MAPT: variants seen among roughly 807,000 people sequenced by gnomAD.
The protein encoded by MAPT is microtubule-associated protein tau.
Under a neutral mutation model 67.9 loss-of-function variants are expected in MAPT, and 34 were observed. The ratio of observed to expected loss-of-function variants is 0.50; its 90% confidence interval spans 0.38 to 0.67. The LOEUF is 0.67. Among genes scored for constraint, MAPT ranks in the 30% least tolerant of loss-of-function variants. MAPT has a pLI of 0.00. For missense variants in MAPT, 881 were observed against 1,115.2 expected, an observed-to-expected ratio of 0.79 and a Z score of 2.99; for synonymous variants, 456 against 464.5, an observed-to-expected ratio of 0.98 and a Z score of 0.23.
chr17:45,941,830 GAC>G (rs2068026838), intron 1 of MAPT, among the ~76,000 whole-genome samples: 1 of 151,328 alleles, frequency 6.6e-6, no homozygotes, highest in South Asian at 2.1e-4. Context: ...TTGGATAATG[GAC>G]ATTTGGCATT....
intron 1 of MAPT, among the ~76,000 whole-genome samples, chr17:45,933,186 A>G (rs943430493): frequency 4.6e-5 from 7 of 151,732 alleles, no homozygotes; most frequent in Admixed American, 4.6e-4. Flanking sequence ...ACATGATGCT[A>G]ATGAAAAGCA....
intron 10 of MAPT, among the ~76,000 whole-genome samples, chr17:46,013,172 T>G (rs12150260): frequency 0.14 from 21,774 of 152,176 alleles, 2,118 homozygotes; most frequent in Non-Finnish European, 0.22. Flanking sequence ...TCCAGGGCGG[T>G]GCTTCCTCGG....
rs1555690435 is a variant in MAPT, at chr17:45,941,701, G to GCCTTCCTT, written c.-17-20617_-17-20616insTCCTTCCT. 1.5e-3 allele frequency among the ~76,000 whole-genome samples: 110 copies of GCCTTCCTT among 73,524 alleles called. 1 individual carries two copies. The highest frequency in any genetic ancestry group is 6.3e-3 in the African/African-American group (97 of 15,348). The allele number at this position is 73,524 out of a possible 152,430, so 48.2% of individuals were successfully genotyped here. The stretch of plus-strand genomic sequence containing the variant: ...TTCCCTCCTTCCTTCCTTCCTTCCT[G>GCCTTCCTT]CCTGCCTTCCTTCCTTCCTTCCTTC... On this transcript the variant is annotated intron_variant, in intron 1 of 12. Transcript: ENST00000262410.
At chr17:45,950,046 G>A (rs576438137) in intron 1 of MAPT, among the ~76,000 whole-genome samples, 6 of 152,190 alleles carry the variant, frequency 3.9e-5, no homozygotes, top group South Asian at 4.2e-4. Flanking sequence ...CAAAGCTGTC[G>A]GGAATCCTGC....
At chr17:45,928,900 GT>G (rs1205679548) in intron 1 of MAPT, among the ~76,000 whole-genome samples, 3 of 152,064 alleles carry the variant, frequency 2.0e-5, no homozygotes, top group Non-Finnish European at 4.4e-5. Flanking sequence ...GTTTCACCGT[GT>G]TAGCCAGGAT....
rs559263476 is a variant in MAPT at position 45,996,877 on chromosome 17, G to A, written c.1998+213G>A. Among the ~76,000 whole-genome samples, 8 of 152,276 alleles carry A rather than the reference G, an allele frequency of 5.3e-5. No homozygotes were observed. Among genetic ancestry groups the A allele is most frequent in the African/African-American group, 1.4e-4 (6 of 41,550 alleles). On this transcript the variant is annotated intron_variant, in intron 9 of 12. Coordinates refer to ENST00000262410, the MANE Select transcript of MAPT (RefSeq NM_001377265.1). This position sits in a 1 kb window ranked among gnomAD's most constrained non-coding sequence, Gnocchi z 4.5. ...CTTCAAGGAAGTTCAGTTCTTTATT[G>A]GGCTCTCCACTACACTGTGAGTGCC...
Position 45,983,590 on chromosome 17 carries a change from G to C in MAPT, c.1011G>C (p.Glu337Asp), listed in dbSNP as rs1157103342. The change falls in exon 5 of 13, where the codon GAG becomes GAC. Residue 337 changes from glutamate to aspartate, a missense_variant. Around this residue, in one of 6 missense-constraint regions of MAPT, gnomAD observed 687 missense variants for 766.1 expected, o/e 0.90. Coordinates refer to ENST00000262410, the MANE Select transcript of MAPT (RefSeq NM_001377265.1). Reference protein sequence around the residue: ...EATSIPGFPAEGAIPLPVDFL... With the variant: ...EATSIPGFPADGAIPLPVDFL... Reference sequence around the variant, plus strand: ...CCAGCATCCCAGGCTTCCCAGCGGAGGGTGCCATCCCCCTCCCTGTGGATT... The same window carrying C: ...CCAGCATCCCAGGCTTCCCAGCGGACGGTGCCATCCCCCTCCCTGTGGATT... 2.5e-6 allele frequency: 4 copies of C among 1,613,186 alleles called. No homozygotes were observed. Among genetic ancestry groups the C allele is most frequent in the Non-Finnish European group, 3.4e-6 (4 of 1,180,014 alleles).
In MAPT at chr17:46,010,072, C is replaced by T. The variant is rs1339425531; in HGVS notation, c.1999-238C>T. On this transcript the variant is annotated intron_variant, in intron 9 of 12. Coordinates refer to ENST00000262410, the MANE Select transcript of MAPT (RefSeq NM_001377265.1). This position sits in a 1 kb window ranked among gnomAD's most constrained non-coding sequence, Gnocchi z 4.7. ...TTCGTAAAGCCCGCTGGAAATCACT[C>T]ACACTTCTGGGATGCCTTCAGAGCA... Among the ~76,000 whole-genome samples, 1 of 152,208 alleles carries T rather than the reference C, an allele frequency of 6.6e-6. No homozygotes were observed. The highest frequency in any genetic ancestry group is 1.5e-5 in the Non-Finnish European group (1 of 68,042).
chr17:45,980,288 G>A (rs2145597848), intron 4 of MAPT: 1 of 152,338 alleles, frequency 6.6e-6, no homozygotes, highest in South Asian at 2.1e-4. Context: ...ATCCCTTGAG[G>A]CCAGGAGTGC....
intron 9 of MAPT, among the ~76,000 whole-genome samples, chr17:46,007,673 T>C (rs1208939221): frequency 1.2e-4 from 19 of 152,144 alleles, no homozygotes; most frequent in Admixed American, 1.2e-3. Flanking sequence ...CAAAACAATG[T>C]TGTAAACACC....
At chr17:46,001,178 A>C (rs183313725) in intron 9 of MAPT, among the ~76,000 whole-genome samples, 1 of 152,090 alleles carries the variant, frequency 6.6e-6, no homozygotes, top group Admixed American at 6.6e-5. Context: ...GCAATGAGCC[A>C]TGTTCACACC....
intron 1 of MAPT, among the ~76,000 whole-genome samples, chr17:45,946,615 A>AATATATATATATATAT (rs1177094945): frequency 6.0e-5 from 6 of 100,402 alleles, no homozygotes; most frequent in African/African-American, 1.7e-4. Flanking sequence ...AAAAAAAAAA[A>AATATATATATATATAT]ATATATATAT....
chr17:45,936,134 C>A (rs1231388815), intron 1 of MAPT, among the ~76,000 whole-genome samples: 17 of 152,156 alleles, frequency 1.1e-4, no homozygotes, highest in Non-Finnish European at 1.8e-4. Flanking sequence ...TCTGAAATTA[C>A]CCCTGTGTCC....
chr17:46,010,911 C>G lies in MAPT; in HGVS notation c.2091+509C>G, dbSNP rs2075780633. ...TGTTCTGATGAGCGGACACCAAGGT[C>G]TTACTGTCCTGCTCAGCTGCTGCTC... On this transcript the variant is annotated intron_variant, in intron 10 of 12. Coordinates refer to ENST00000262410, the MANE Select transcript of MAPT (RefSeq NM_001377265.1). The surrounding 1 kb of genome is among the most constrained non-coding windows in gnomAD (Gnocchi z 4.7). Among the ~76,000 whole-genome samples the G allele has an allele frequency of 6.6e-6, 1 of 152,192 alleles. No individual in the cohort carries two copies. Among genetic ancestry groups the G allele is most frequent in the African/African-American group, 2.4e-5 (1 of 41,444 alleles).
intron 9 of MAPT, among the ~76,000 whole-genome samples, chr17:46,005,507 G>A (rs1314887508): frequency 6.6e-6 from 1 of 152,250 alleles, no homozygotes; most frequent in East Asian, 1.9e-4. Context: ...TACTCCAGAG[G>A]CTGAGGCCAG....
chr17:45,934,463 G>A (rs1376823375), intron 1 of MAPT, among the ~76,000 whole-genome samples: 2 of 152,070 alleles, frequency 1.3e-5, no homozygotes, highest in African/African-American at 2.4e-5. Flanking sequence ...TTTATCATGT[G>A]GGTTTTAATT....
chr17:46,005,678 T>C lies in MAPT; in HGVS notation c.1999-4632T>C, dbSNP rs2145952067. On this transcript the variant is annotated intron_variant, in intron 9 of 12. Coordinates refer to ENST00000262410, the MANE Select transcript of MAPT (RefSeq NM_001377265.1). Reference sequence around the variant, plus strand: ...GGGTGGCATGAATTGATTCAAAGACTTGTGCAGAGGGCGACAGTGACTCCT... The same window carrying C: ...GGGTGGCATGAATTGATTCAAAGACCTGTGCAGAGGGCGACAGTGACTCCT... Among the ~76,000 whole-genome samples the C allele has an allele frequency of 2.0e-5, 3 of 152,302 alleles. 1 individual carries two copies. In the Middle Eastern group the frequency reaches 0.01, roughly 518 times the overall value.
chr17:45,904,733 T>TAA (rs2064182987), intron 1 of MAPT, among the ~76,000 whole-genome samples: 1 of 151,916 alleles, frequency 6.6e-6, no homozygotes, highest in Non-Finnish European at 1.5e-5. Flanking sequence ...TACATGTATT[T>TAA]AAATGTGAAT....
chr17:45,951,680 C>G (rs1392778392), intron 1 of MAPT, among the ~76,000 whole-genome samples: 1 of 152,066 alleles, frequency 6.6e-6, no homozygotes, highest in Non-Finnish European at 1.5e-5. Flanking sequence ...CTCAGCTAGC[C>G]CCTTCCCCCA....
Sources: gnomAD v4.1 joint callset for allele counts (sites outside exome capture counted in the v4.1 genomes callset) on GRCh38, gnomAD v4.1.1 for gene constraint, gnomAD v4.1.1 regional missense constraint, Gnocchi (gnomAD v3.1) non-coding constraint, MANE v1.5 for transcripts, NCBI Gene and HGNC (gene_info 2026-07-23, HGNC 2026-07-21) for gene names.